MAD1L1: variants seen among roughly 807,000 people sequenced by gnomAD.
MAD1L1 encodes mitotic arrest deficient 1 like 1, also known as mitotic spindle assembly checkpoint protein MAD1.
Under a neutral mutation model 96.9 loss-of-function variants are expected in MAD1L1, and 95 were observed. That is an observed-to-expected ratio of 0.98 (90% CI 0.83 to 1.16). The LOEUF is 1.16. Among genes scored for constraint, MAD1L1 ranks in the 50% most tolerant of loss-of-function variants. The pLI is 0.00. For synonymous variants in MAD1L1, 473 were observed against 396.6 expected (o/e 1.19, Z -2.29); for missense variants, 1,007 against 954.4 (o/e 1.06, Z -0.73).
chr7:2,066,035 A>G (rs1428955772), intron 12 of MAD1L1, among the ~76,000 whole-genome samples: 1 of 152,216 alleles, frequency 6.6e-6, no homozygotes, highest in Admixed American at 6.5e-5. Context: ...AATAGTCATG[A>G]TATTTTACCA....
intron 12 of MAD1L1, 150 bp from the exon 13 acceptor site, chr7:2,014,792 C>A: frequency 1.2e-6 from 1 of 864,298 alleles, no homozygotes; most frequent in African/African-American, 1.8e-5. Flanking sequence ...CCCTGAGGGC[C>A]CACCAAAGTG....
At chr7:2,052,686 G>A (rs1373715148) in intron 12 of MAD1L1, among the ~76,000 whole-genome samples, 2 of 152,198 alleles carry the variant, frequency 1.3e-5, no homozygotes, top group Non-Finnish European at 2.9e-5. Flanking sequence ...GTATCAGTGT[G>A]CAAATTCCAC....
intron 10 of MAD1L1, among the ~76,000 whole-genome samples, chr7:2,187,145 C>T (rs1033996716): frequency 3.3e-5 from 5 of 151,804 alleles, no homozygotes; most frequent in Non-Finnish European, 4.4e-5. Context: ...GTCAGGAGTT[C>T]GAGACCAGCC....
chr7:1,955,002 C>T (rs1779663701), intron 16 of MAD1L1, among the ~76,000 whole-genome samples: 1 of 152,182 alleles, frequency 6.6e-6, no homozygotes, highest in South Asian at 2.1e-4. Flanking sequence ...ACGGCCCTCC[C>T]AGGAAGGCAG....
intron 15 of MAD1L1, among the ~76,000 whole-genome samples, chr7:1,978,428 A>G (rs1780745090): frequency 6.6e-6 from 1 of 152,210 alleles, no homozygotes; most frequent in Non-Finnish European, 1.5e-5. Context: ...CCCAGCACCA[A>G]TGCTTGGTGA....
intron 12 of MAD1L1, among the ~76,000 whole-genome samples, chr7:2,038,400 C>T (rs1201413971): frequency 6.6e-6 from 1 of 150,916 alleles, no homozygotes; most frequent in Non-Finnish European, 1.5e-5. Flanking sequence ...CTGGAAGATG[C>T]CGTCTAGGGC....
intron 17 of MAD1L1, among the ~76,000 whole-genome samples, chr7:1,935,219 A>C (rs2128463064): frequency 6.6e-6 from 1 of 152,314 alleles, no homozygotes; most frequent in South Asian, 2.1e-4. Context: ...TGCCAATAAC[A>C]CCTGCAGAAT....
At chr7:2,177,049 A>G (rs1447908391) in intron 10 of MAD1L1, among the ~76,000 whole-genome samples, 1 of 149,116 alleles carries the variant, frequency 6.7e-6, no homozygotes, top group East Asian at 2.0e-4. Context: ...GCTTCAGTGG[A>G]AATCCCTGGA....
chr7:1,976,072 A>T (rs1489575270), intron 15 of MAD1L1, among the ~76,000 whole-genome samples: 1 of 152,244 alleles, frequency 6.6e-6, no homozygotes, highest in Non-Finnish European at 1.5e-5. Context: ...CAGTGTTGAA[A>T]AACGATGCTA....
chr7:1,957,819 G>C (rs1779792763), intron 15 of MAD1L1, 100 bp from the exon 16 acceptor site: 1 of 923,180 alleles, frequency 1.1e-6, no homozygotes, highest in Non-Finnish European at 1.7e-6. Flanking sequence ...AGGAGACCCA[G>C]CTATACAGCT....
chr7:2,109,533 C>G (rs1361727800), intron 11 of MAD1L1: 4 of 152,296 alleles, frequency 2.6e-5, no homozygotes, highest in African/African-American at 9.6e-5. Flanking sequence ...CAGCAACAGC[C>G]CCCAACAGCC....
At chr7:1,911,009 C>A (rs1291980031) in intron 17 of MAD1L1, among the ~76,000 whole-genome samples, 2 of 152,328 alleles carry the variant, frequency 1.3e-5, no homozygotes, top group Non-Finnish European at 1.5e-5. Context: ...TCAGTCCTTT[C>A]AAGTGGCCTC....
At chr7:2,220,348 C>A (rs578006702) in intron 5 of MAD1L1, among the ~76,000 whole-genome samples, 1 of 152,342 alleles carries the variant, frequency 6.6e-6, no homozygotes, top group African/African-American at 2.4e-5. Context: ...CAGGCTTCCT[C>A]CTGACCACTC....
At chr7:2,016,045 C>T (rs1171542397) in intron 12 of MAD1L1, among the ~76,000 whole-genome samples, 5 of 152,194 alleles carry the variant, frequency 3.3e-5, no homozygotes, top group Middle Eastern at 3.2e-3. Flanking sequence ...AACCTCCCTC[C>T]CCAAGTCTCA....
intron 7 of MAD1L1, among the ~76,000 whole-genome samples, chr7:2,217,383 G>A (rs916473297): frequency 2.0e-5 from 3 of 152,194 alleles, no homozygotes; most frequent in South Asian, 2.1e-4. Context: ...CACCAGGAGC[G>A]GACATGGCAG....
chr7:2,066,125 A>G (rs4719415), intron 12 of MAD1L1, among the ~76,000 whole-genome samples: 106,059 of 152,158 alleles, frequency 0.7, 37,359 homozygotes, highest in South Asian at 0.79. Context: ...AAATAAAACC[A>G]CACACTCCAA....
intron 5 of MAD1L1, 116 bp from the exon 6 acceptor site, chr7:2,219,572 G>T: frequency 8.9e-7 from 1 of 1,127,354 alleles, no homozygotes; most frequent in Middle Eastern, 2.3e-4. Context: ...CTATAATCAG[G>T]GCAGGAGGCA....
chr7:2,029,326 G>A (rs1021072275), intron 12 of MAD1L1, among the ~76,000 whole-genome samples: 2 of 152,224 alleles, frequency 1.3e-5, no homozygotes, highest in South Asian at 2.1e-4. Flanking sequence ...AAGATTACAC[G>A]CTGCATGGCT....
intron 18 of MAD1L1, among the ~76,000 whole-genome samples, chr7:1,891,918 T>A (rs1393072520): frequency 6.6e-6 from 1 of 152,158 alleles, no homozygotes; most frequent in Non-Finnish European, 1.5e-5. Flanking sequence ...GTATTTTTAA[T>A]AGTTGAGTGT....
Sources: allele counts gnomAD v4.1 joint callset (sites outside exome capture counted in the v4.1 genomes callset), GRCh38; gene constraint gnomAD v4.1.1; transcripts MANE v1.5; gene names NCBI Gene and HGNC (gene_info 2026-07-23, HGNC 2026-07-21).